The following PDE7B variants were observed in gnomAD, a reference collection of about 807,000 sequenced individuals.
PDE7B encodes the protein 3',5'-cyclic-AMP phosphodiesterase 7B.
PDE7B carries 29 observed loss-of-function variants against 56.2 expected under a neutral mutation model. The observed-to-expected ratio is 0.52, with a 90% CI of 0.38 to 0.70. The LOEUF (loss-of-function observed/expected upper bound fraction) is 0.70, where lower values mean the gene tolerates loss of function less well. PDE7B is among the 30% of genes least tolerant of loss of function. PDE7B has a pLI of 0.00. For synonymous variants in PDE7B, 197 were observed against 196.9 expected (o/e 1.00, Z 0.00); for missense variants, 490 against 565.0 (o/e 0.87, Z 1.35).
chr6:136,008,196 G>A (rs1775823518), intron 2 of PDE7B, among the ~76,000 whole-genome samples: 1 of 152,030 alleles, frequency 6.6e-6, no homozygotes, highest in South Asian at 2.1e-4. Context: ...GTATTCCATG[G>A]TGTATATGTG....
rs547498432 is a variant in PDE7B, at chr6:135,939,347, G to A, written c.22-8117G>A. Among the ~76,000 whole-genome samples the A allele has an allele frequency of 1.8e-4, 28 of 152,252 alleles. 1 individual carries two copies. Among genetic ancestry groups the A allele is most frequent in the African/African-American group, 6.5e-4 (27 of 41,552 alleles). On this transcript the variant is annotated intron_variant, in intron 1 of 12. Transcript: ENST00000308191. ...ATTTTGACTGGCTGAGGTTGGGCTG[G>A]ACGATGAGGCCCTGATTTGAAAGCA...
intron 2 of PDE7B, among the ~76,000 whole-genome samples, chr6:136,092,654 G>A (rs947084403): frequency 1.3e-5 from 2 of 152,092 alleles, no homozygotes; most frequent in Admixed American, 6.5e-5. Flanking sequence ...CCAGCTACTC[G>A]GGAGGCTGAG....
chr6:135,888,790 G>A (rs1775756588), intron 1 of PDE7B, among the ~76,000 whole-genome samples: 1 of 152,024 alleles, frequency 6.6e-6, no homozygotes. Context: ...TTGGTTTTCT[G>A]TGTTTATAAA....
chr6:135,898,623 A>ATTATATACT (rs1775943655), intron 1 of PDE7B, among the ~76,000 whole-genome samples: 1 of 152,154 alleles, frequency 6.6e-6, no homozygotes, highest in Non-Finnish European at 1.5e-5. Flanking sequence ...AAAATTTTAA[A>ATTATATACT]TTATATACTT....
intron 1 of PDE7B, among the ~76,000 whole-genome samples, chr6:135,944,475 A>G (rs2128199062): frequency 6.6e-6 from 1 of 152,218 alleles, no homozygotes; most frequent in Admixed American, 6.5e-5. Context: ...ATCATCAGGT[A>G]ACTTTACAAA....
chr6:135,960,255 A>AT (rs995487920), intron 2 of PDE7B, among the ~76,000 whole-genome samples: 18 of 152,088 alleles, frequency 1.2e-4, no homozygotes, highest in Non-Finnish European at 2.1e-4. Flanking sequence ...TAAATAAAGG[A>AT]TTTTTTCCCT....
chr6:135,924,261 G>A (rs1166464672), intron 1 of PDE7B, among the ~76,000 whole-genome samples: 1 of 152,090 alleles, frequency 6.6e-6, no homozygotes, highest in Non-Finnish European at 1.5e-5. Context: ...CTAAAAAATT[G>A]GAAACAATTT....
At chr6:135,864,182 T>C (rs1199332269) in intron 1 of PDE7B, among the ~76,000 whole-genome samples, 1 of 152,168 alleles carries the variant, frequency 6.6e-6, no homozygotes, top group Non-Finnish European at 1.5e-5. Flanking sequence ...ATATTAGTAC[T>C]TTTATTCCTT....
chr6:135,877,593 G>A (rs190989253), intron 1 of PDE7B, among the ~76,000 whole-genome samples: 1 of 151,950 alleles, frequency 6.6e-6, no homozygotes, highest in Admixed American at 6.5e-5. Context: ...CCTTCACTTT[G>A]GCTTCTAATT....
At chr6:136,183,196 G>T (rs1779094708) in intron 11 of PDE7B, among the ~76,000 whole-genome samples, 1 of 151,770 alleles carries the variant, frequency 6.6e-6, no homozygotes, top group South Asian at 2.1e-4. Flanking sequence ...AGGCTTCCAT[G>T]TACCTTCCTC....
At chr6:136,141,525 A>C (rs1275942051) in intron 3 of PDE7B, among the ~76,000 whole-genome samples, 1 of 152,198 alleles carries the variant, frequency 6.6e-6, no homozygotes, top group Non-Finnish European at 1.5e-5. Flanking sequence ...TGATTGGAAT[A>C]GTTTCAGAAG....
At chr6:135,888,504 C>G (rs1193106909) in intron 1 of PDE7B, among the ~76,000 whole-genome samples, 1 of 151,802 alleles carries the variant, frequency 6.6e-6, no homozygotes, top group Non-Finnish European at 1.5e-5. Context: ...ATGTATAACA[C>G]CTTAGAATAG....
chr6:136,093,794 G>A (rs918628873), intron 2 of PDE7B, among the ~76,000 whole-genome samples: 3 of 152,176 alleles, frequency 2.0e-5, no homozygotes, highest in Non-Finnish European at 4.4e-5. Context: ...ATTTGTTTGG[G>A]GATCTATTTA....
At chr6:136,155,883 A>G in intron 8 of PDE7B, 125 bp downstream of exon 8, 1 of 1,032,402 alleles carries the variant, frequency 9.7e-7, no homozygotes, top group Non-Finnish European at 1.5e-6. Context: ...AGACGAATGA[A>G]ACACAATCTC....
intron 2 of PDE7B, among the ~76,000 whole-genome samples, chr6:136,024,198 T>C (rs1776114196): frequency 6.6e-6 from 1 of 152,172 alleles, no homozygotes; most frequent in African/African-American, 2.4e-5. Flanking sequence ...ATAATGTTCA[T>C]CCATGTTTTA....
intron 12 of PDE7B, among the ~76,000 whole-genome samples, chr6:136,189,852 C>G (rs560366166): frequency 1.3e-5 from 2 of 152,158 alleles, no homozygotes; most frequent in South Asian, 4.2e-4. Context: ...ATGTGGAAGC[C>G]TTCCTTAATT....
At chr6:136,098,134 G>A (rs928171051) in intron 2 of PDE7B, 1 of 24,302 alleles carries the variant, frequency 4.1e-5, no homozygotes, top group Non-Finnish European at 9.2e-5. Flanking sequence ...TTTAGTTCCT[G>A]GGGGGGGGGG....
Position 135,947,535 on chromosome 6 carries a change from T to G in PDE7B, c.82+11T>G. 1 of 1,599,006 alleles carries G rather than the reference T, an allele frequency of 6.3e-7. No individual in the cohort carries two copies. Among genetic ancestry groups the G allele is most frequent in the African/African-American group, 1.3e-5 (1 of 74,730 alleles). ...GTGTTTGCATGCTGGGTAAGAAGGC[T>G]TCTCATTTTAAATATATTAAGCATG... On this transcript the variant is annotated intron_variant, in intron 2 of 12. Transcript: ENST00000308191.
chr6:136,097,929 A>G (rs1322973586), intron 2 of PDE7B: 1 of 152,094 alleles, frequency 6.6e-6, no homozygotes, highest in Non-Finnish European at 1.5e-5. Flanking sequence ...TATGTTCTAA[A>G]GCAGAATACT....
Sources: gnomAD v4.1 joint callset for allele counts (sites outside exome capture counted in the v4.1 genomes callset) on GRCh38, gnomAD v4.1.1 for gene constraint, MANE v1.5 for transcripts, NCBI Gene and HGNC (gene_info 2026-07-23, HGNC 2026-07-21) for gene names.